Variants in BPNT1 observed in about 807,000 individuals in gnomAD.
BPNT1 encodes the protein 3'(2'),5'-bisphosphate nucleotidase 1.
Under a neutral mutation model 36.9 loss-of-function variants are expected in BPNT1, and 28 were observed. The observed-to-expected ratio is 0.76, with a 90% CI of 0.56 to 1.04. The LOEUF (loss-of-function observed/expected upper bound fraction) is 1.04, where lower values mean the gene tolerates loss of function less well. Among genes scored for constraint, BPNT1 ranks in the 50% least tolerant of loss-of-function variants. The probability of loss-of-function intolerance (pLI) is 0.00; values close to 1 mark genes in which losing one functional copy is unlikely to be tolerated. For synonymous variants in BPNT1, 119 were observed against 130.9 expected, an observed-to-expected ratio of 0.91 and a Z score of 0.62; for missense variants, 313 against 372.9, an observed-to-expected ratio of 0.84 and a Z score of 1.32.
At position 220,057,711 on chromosome 1, in the gene BPNT1, G is replaced by T. The variant is rs1662652825; in HGVS notation, c.*1133C>A. The T allele has an allele frequency of 2.0e-6, 1 of 488,776 alleles. No homozygotes were observed. Among genetic ancestry groups the T allele is most frequent in the Non-Finnish European group, 3.6e-6 (1 of 281,566 alleles). The allele number at this position is 488,776 out of a possible 1,614,324, so 30.3% of individuals were successfully genotyped here. ...TTTTCAAACACTTTTTTAAAAAGCT[G>T]GTGAATAACAAAGAGCTAGGATTAA... On this transcript the variant is annotated 3_prime_UTR_variant, in exon 9 of 9. Transcript: ENST00000322067.
chr1:220,082,085 T>TATATATATATATATAG (rs1171093697), intron 1 of BPNT1, among the ~76,000 whole-genome samples: 2 of 103,296 alleles, frequency 1.9e-5, no homozygotes, highest in African/African-American at 7.6e-5. Context: ...TATATATATA[T>TATATATATATATATAG]AGAGAGAGAG....
chr1:220,089,101 GAAAA>G lies in BPNT1; in HGVS notation c.-9+581_-9+584del, dbSNP rs764942826. Among the ~76,000 whole-genome samples, 13 of 39,150 alleles carry G rather than the reference GAAAA, an allele frequency of 3.3e-4. No homozygotes were observed. The South Asian group carries it at 8.8e-3, about 26-fold the overall frequency. 25.7% of individuals were successfully genotyped at this position (39,150 alleles called of 152,430 possible). A position where few individuals can be genotyped will look rare whatever the true frequency, so the allele number is the denominator to read the frequency against. The stretch of plus-strand genomic sequence containing the variant: ...GGGCGACAGAGCGAGACTCCGTCTC[GAAAA>G]AAAAAAAAAAAAAAAAAAAAGAAGG... On this transcript the variant is annotated intron_variant, in intron 1 of 8. Transcript: ENST00000322067.
intron 4 of BPNT1, among the ~76,000 whole-genome samples, chr1:220,072,234 G>A (rs1299921278): frequency 6.6e-5 from 10 of 151,608 alleles, no homozygotes; most frequent in Non-Finnish European, 8.8e-5. Flanking sequence ...ATGGTGGTGC[G>A]CGCCTGTAGT....
Position 220,059,673 on chromosome 1 carries a change from A to G in BPNT1, c.778+13T>C, listed in dbSNP as rs1211653940. 1 of 1,571,442 alleles carries G rather than the reference A, an allele frequency of 6.4e-7. No homozygotes were observed. Among genetic ancestry groups the G allele is most frequent in the South Asian group, 1.2e-5 (1 of 85,888 alleles). ...AGAAAAACTATGAATTTCCTCAAAT[A>G]AAACAGACTAACCTCCCACAGCATG... On this transcript the variant is annotated intron_variant, in intron 8 of 8. Coordinates refer to ENST00000322067, the MANE Select transcript of BPNT1 (RefSeq NM_006085.6).
chr1:220,080,067 C>T (rs1422927605), intron 1 of BPNT1, among the ~76,000 whole-genome samples: 1 of 152,180 alleles, frequency 6.6e-6, no homozygotes, highest in Non-Finnish European at 1.5e-5. Context: ...TTTTTTATGT[C>T]TCTCTGCAGA....
In BPNT1 at chr1:220,079,623, T is replaced by C; in HGVS notation, c.120+104A>G. The stretch of plus-strand genomic sequence containing the variant: ...TCTTGCAGTCTCCCTAAGGGAGCCA[T>C]CAATTATTTTAACTGATAAAGTCTG... On this transcript the variant is annotated intron_variant, in intron 2 of 8. Transcript: ENST00000322067. The C allele has an allele frequency of 2.2e-6, 3 of 1,387,152 alleles. No individual in the cohort carries two copies. The Middle Eastern group carries it at 5.6e-4, about 261-fold the overall frequency. 85.9% of individuals were successfully genotyped at this position (1,387,152 alleles called of 1,614,324 possible). A position where few individuals can be genotyped will look rare whatever the true frequency, so the allele number is the denominator to read the frequency against.
chr1:220,081,636 T>C (rs6704420), intron 1 of BPNT1, among the ~76,000 whole-genome samples: 5,314 of 152,230 alleles, frequency 0.035, 173 homozygotes, highest in African/African-American at 0.087. Flanking sequence ...GAAGAGCTTA[T>C]TTCCCCACTT....
intron 2 of BPNT1, among the ~76,000 whole-genome samples, chr1:220,075,282 T>A (rs1219959287): frequency 1.3e-5 from 2 of 152,194 alleles, no homozygotes; most frequent in Non-Finnish European, 2.9e-5. Flanking sequence ...GACCTCATGA[T>A]CCGCCCACCT....
intron 3 of BPNT1, 102 bp from the exon 4 acceptor site, chr1:220,073,059 G>C (rs1359584133): frequency 7.1e-6 from 7 of 984,456 alleles, no homozygotes; most frequent in Non-Finnish European, 9.4e-6. Flanking sequence ...GTTTTCACTA[G>C]TTCTTCTGGT....
intron 6 of BPNT1, among the ~76,000 whole-genome samples, chr1:220,064,376 A>G (rs1663339773): frequency 6.6e-6 from 1 of 152,192 alleles, no homozygotes; most frequent in Non-Finnish European, 1.5e-5. Context: ...ACTCTGAGGC[A>G]GGTGGTATGT....
At chr1:220,074,138 A>G in intron 2 of BPNT1, 67 bp from the exon 3 acceptor site, 3 of 1,372,694 alleles carry the variant, frequency 2.2e-6, no homozygotes, top group East Asian at 2.3e-5. Context: ...TTCCTTGTGC[A>G]TGAGTGCCTA....
chr1:220,059,536 A>G (rs1459361531), intron 8 of BPNT1, 150 bp downstream of exon 8: 4 of 514,788 alleles, frequency 7.8e-6, no homozygotes, highest in Non-Finnish European at 6.7e-6. Context: ...TCCATCTATC[A>G]TATGAGGGGT....
At chr1:220,068,483 A>G (rs1663745889) in intron 5 of BPNT1, among the ~76,000 whole-genome samples, 1 of 151,492 alleles carries the variant, frequency 6.6e-6, no homozygotes, top group Non-Finnish European at 1.5e-5. Flanking sequence ...CGCCTGGCCT[A>G]GATCTTAAGT....
At position 220,072,908 on chromosome 1, in the gene BPNT1, CACTG is replaced by C; in HGVS notation, c.271_274del (p.Gln91GlyfsTer5). On this transcript the variant is annotated frameshift_variant, in exon 4 of 9. Coordinates refer to ENST00000322067, the MANE Select transcript of BPNT1 (RefSeq NM_006085.6). LOFTEE classifies it high-confidence loss of function. ...GCATGGTTGCTTCAGTATTTCTTCC[CACTG>C]ACTGTCTTCAATCAGCTCTTGATCC... is the stretch of plus-strand genomic sequence containing the variant. 1 of 1,614,136 alleles carries C rather than the reference CACTG, an allele frequency of 6.2e-7. No individual in the cohort carries two copies. Among genetic ancestry groups the C allele is most frequent in the African/African-American group, 1.3e-5 (1 of 75,038 alleles).
chr1:220,063,619 T>C (rs1663264210), intron 6 of BPNT1, among the ~76,000 whole-genome samples: 1 of 152,110 alleles, frequency 6.6e-6, no homozygotes, highest in Non-Finnish European at 1.5e-5. Flanking sequence ...GGAAATGAAA[T>C]ACCATGTATT....
At chr1:220,085,418 G>C (rs529709148) in intron 1 of BPNT1, among the ~76,000 whole-genome samples, 2 of 152,324 alleles carry the variant, frequency 1.3e-5, no homozygotes, top group South Asian at 2.1e-4. Flanking sequence ...TCCTGGCTCA[G>C]CTGTGGACCT....
At position 220,069,373 on chromosome 1, in the gene BPNT1, G is replaced by C. The variant is rs1167603710; in HGVS notation, c.382+11C>G. 38 of 1,586,270 alleles carry C rather than the reference G, an allele frequency of 2.4e-5. 1 individual carries two copies. In the Admixed American group the frequency reaches 6.3e-4, roughly 26 times the overall value. On this transcript the variant is annotated intron_variant, in intron 5 of 8. Transcript: ENST00000322067. ...ACTACTGTCAAATATGAATACAAAA[G>C]AGATATCAACCTTCGGTATATTCCT...
intron 1 of BPNT1, among the ~76,000 whole-genome samples, chr1:220,082,382 T>A (rs1036216361): frequency 1.3e-5 from 2 of 151,602 alleles, no homozygotes; most frequent in African/African-American, 4.8e-5. Context: ...GGTTTCACCA[T>A]GTTGGCCAGG....
intron 2 of BPNT1, among the ~76,000 whole-genome samples, chr1:220,079,128 A>G (rs1420846824): frequency 6.6e-6 from 1 of 152,236 alleles, no homozygotes; most frequent in Non-Finnish European, 1.5e-5. Flanking sequence ...TAAGGATTGC[A>G]TGGCACTGCA....
Sources: allele counts gnomAD v4.1 joint callset (sites outside exome capture counted in the v4.1 genomes callset), GRCh38; gene constraint gnomAD v4.1.1; transcripts MANE v1.5; gene names NCBI Gene and HGNC (gene_info 2026-07-23, HGNC 2026-07-21).